The following CAPN8 variants were observed in gnomAD, a reference collection of about 807,000 sequenced individuals.
CAPN8 encodes the protein calpain-8.
Under a neutral mutation model 80.9 loss-of-function variants are expected in CAPN8, and 87 were observed. The observed-to-expected ratio is 1.07, with a 90% CI of 0.90 to 1.28. CAPN8 has a LOEUF of 1.28. Ranked by LOEUF, CAPN8 falls within the 50% of genes most tolerant of loss-of-function variation. The probability of loss-of-function intolerance (pLI) is 0.00; values close to 1 mark genes in which losing one functional copy is unlikely to be tolerated. For synonymous variants in CAPN8, 299 were observed against 273.8 expected (o/e 1.09, Z -0.91); for missense variants, 757 against 702.0 (o/e 1.08, Z -0.89).
chr1:223,627,988 C>G (rs1336738133), intron 4 of CAPN8, 21 bp downstream of exon 4: 1 of 1,520,570 alleles, frequency 6.6e-7, no homozygotes, highest in African/African-American at 1.4e-5. Flanking sequence ...CGTCTCCCAG[C>G]TCCTGGCTTC....
intron 9 of CAPN8, among the ~76,000 whole-genome samples, chr1:223,619,040 A>T (rs917389062): frequency 7.9e-5 from 12 of 152,160 alleles, no homozygotes; most frequent in African/African-American, 2.9e-4. Context: ...AACATTTTTT[A>T]AAAATTAGCC....
chr1:223,660,579 C>T (rs545589917), intron 1 of CAPN8, among the ~76,000 whole-genome samples: 10 of 152,214 alleles, frequency 6.6e-5, no homozygotes. Flanking sequence ...TGCTCAATTG[C>T]TTATGAATAG....
intron 13 of CAPN8, among the ~76,000 whole-genome samples, chr1:223,557,926 G>A (rs1656943010): frequency 6.6e-6 from 1 of 152,182 alleles, no homozygotes; most frequent in Non-Finnish European, 1.5e-5. Flanking sequence ...TCCCCCAGGG[G>A]GTAGGGATAT....
At chr1:223,619,184 G>A in intron 9 of CAPN8, 109 bp downstream of exon 9, 1 of 1,295,790 alleles carries the variant, frequency 7.7e-7, no homozygotes. Context: ...ACAGAGCAAG[G>A]CCCTGTCTCA....
At chr1:223,634,591 T>C (rs1327310363) in intron 2 of CAPN8, among the ~76,000 whole-genome samples, 1 of 152,028 alleles carries the variant, frequency 6.6e-6, no homozygotes, top group Admixed American at 6.5e-5. Context: ...ACAACACAAG[T>C]CTAGAGGCTG....
chr1:223,646,280 G>T (rs1232951147), intron 2 of CAPN8, among the ~76,000 whole-genome samples: 1 of 152,228 alleles, frequency 6.6e-6, no homozygotes. Flanking sequence ...TGAGTAGGTG[G>T]TGTGGATTTG....
rs78739702 is a variant in CAPN8, at chr1:223,549,755, T to C, written c.1700-373A>G. 9.8e-4 allele frequency among the ~76,000 whole-genome samples: 149 copies of C among 152,380 alleles called. 1 individual carries two copies. In the East Asian group the frequency reaches 0.023, roughly 24 times the overall value. ...AAGACTGGCTGGGTATTAACTGAGA[T>C]AATGAAAGTGAAGTTTTAGCCCAGG... On this transcript the variant is annotated intron_variant, in intron 15 of 20. Transcript: ENST00000366872.
chr1:223,609,599 C>A (rs1159758700), intron 11 of CAPN8, among the ~76,000 whole-genome samples: 1 of 152,158 alleles, frequency 6.6e-6, no homozygotes, highest in Non-Finnish European at 1.5e-5. Flanking sequence ...GTGACCTTGA[C>A]CTCTGGGCCT....
At chr1:223,610,851 T>C (rs368464705) in intron 11 of CAPN8, among the ~76,000 whole-genome samples, 23 of 152,212 alleles carry the variant, frequency 1.5e-4, no homozygotes, top group African/African-American at 5.5e-4. Context: ...CAGTGTGGGA[T>C]CAGGATCAGC....
At chr1:223,631,484 C>T (rs1657772680) in intron 2 of CAPN8, among the ~76,000 whole-genome samples, 1 of 152,152 alleles carries the variant, frequency 6.6e-6, no homozygotes, top group Admixed American at 6.5e-5. Context: ...ATCTGTTTTT[C>T]TCTCTCCCTC....
intron 8 of CAPN8, among the ~76,000 whole-genome samples, chr1:223,619,964 G>A (rs1001550184): frequency 1.3e-5 from 2 of 152,200 alleles, no homozygotes; most frequent in African/African-American, 4.8e-5. Context: ...AACTGAGAAA[G>A]ACAGGCTGAT....
At chr1:223,611,448 T>C (rs1329053284) in intron 11 of CAPN8, among the ~76,000 whole-genome samples, 1 of 152,220 alleles carries the variant, frequency 6.6e-6, no homozygotes, top group Non-Finnish European at 1.5e-5. Context: ...TTAATTTGCA[T>C]ATAATTAAAA....
chr1:223,633,728 A>T (rs561835125), intron 2 of CAPN8, among the ~76,000 whole-genome samples: 1 of 152,340 alleles, frequency 6.6e-6, no homozygotes, highest in South Asian at 2.1e-4. Flanking sequence ...TTGTTAAAAA[A>T]GAATCCCTTA....
At chr1:223,623,018 T>C (rs1461663866) in intron 6 of CAPN8, 118 bp from the exon 7 acceptor site, 13 of 747,992 alleles carry the variant, frequency 1.7e-5, no homozygotes, top group East Asian at 1.1e-4. Context: ...AGGACCACAC[T>C]TTTATTTTCC....
rs1212649023 is a variant in CAPN8 at position 223,665,595 on chromosome 1, G to A, written c.52C>T (p.Leu18Phe). The change falls in exon 1 of 21, where the codon CTT (leucine) becomes TTT (phenylalanine). Residue 18 changes from leucine (L) to phenylalanine (F), a missense_variant. Coordinates refer to ENST00000366872, the MANE Select transcript of CAPN8 (RefSeq NM_001143962.2). ...TTCAAAGCGTTTTGGTTGGAGCCAA[G>A]ACCTTGAGTGGCTGCCCGCTGCCTA... Reference protein sequence around the residue: ...VSRQRAATQGLGSNQNALKYL... With the variant: ...VSRQRAATQGFGSNQNALKYL... The A allele has an allele frequency of 5.2e-6, 8 of 1,551,680 alleles. No homozygotes were observed. The highest frequency in any genetic ancestry group is 7.0e-6 in the Non-Finnish European group (8 of 1,147,000).
intron 7 of CAPN8, among the ~76,000 whole-genome samples, chr1:223,621,718 A>G (rs1392494216): frequency 6.6e-6 from 1 of 152,092 alleles, no homozygotes; most frequent in Admixed American, 6.5e-5. Flanking sequence ...TGATGCTGTG[A>G]TTAAACTTGG....
chr1:223,642,066 G>C (rs1460957030), intron 2 of CAPN8, among the ~76,000 whole-genome samples: 3 of 152,158 alleles, frequency 2.0e-5, no homozygotes, highest in South Asian at 2.1e-4. Flanking sequence ...TAGAGTGGAT[G>C]ATGGCAAGCT....
rs991695644 is a variant in CAPN8 at position 223,556,904 on chromosome 1, T to A, written c.1572+1227A>T. On this transcript the variant is annotated intron_variant, in intron 13 of 20. Transcript: ENST00000366872. ...GAGCGATAAGTCCTCCTGGGGGCAG[T>A]GAGAAGGCTGAGCTGGCATCAGCAA... Among the ~76,000 whole-genome samples the A allele has an allele frequency of 1.1e-4, 16 of 151,886 alleles. No individual in the cohort carries two copies. In the Middle Eastern group the frequency reaches 0.01, roughly 97 times the overall value.
At chr1:223,543,380 G>A (rs1239209947) in intron 19 of CAPN8, among the ~76,000 whole-genome samples, 1 of 149,018 alleles carries the variant, frequency 6.7e-6, no homozygotes, top group Non-Finnish European at 1.5e-5. Flanking sequence ...CCCCCCTGCC[G>A]AAACAGACAA....
Sources: allele counts gnomAD v4.1 joint callset (sites outside exome capture counted in the v4.1 genomes callset), GRCh38; gene constraint gnomAD v4.1.1; transcripts MANE v1.5; gene names NCBI Gene and HGNC (gene_info 2026-07-23, HGNC 2026-07-21).